The following GPC6 variants were observed in gnomAD, a reference collection of about 807,000 sequenced individuals.
GPC6 encodes the protein glypican 6.
GPC6 carries 14 observed loss-of-function variants against 55.2 expected under a neutral mutation model. The ratio of observed to expected loss-of-function variants is 0.25; its 90% CI spans 0.17 to 0.40. GPC6 has a LOEUF of 0.40. Ranked by LOEUF, GPC6 falls within the 10% of genes least tolerant of loss-of-function variation. The pLI, the probability that GPC6 is intolerant of heterozygous loss-of-function variation, is 1.00. For synonymous variants in GPC6, 278 were observed against 259.6 expected, an observed-to-expected ratio of 1.07 and a Z score of -0.68; for missense variants, 641 against 708.5, an observed-to-expected ratio of 0.90 and a Z score of 1.08.
intron 4 of GPC6, among the ~76,000 whole-genome samples, chr13:94,086,384 AC>A (rs1566385966): frequency 6.6e-6 from 1 of 152,070 alleles, no homozygotes; most frequent in Admixed American, 6.6e-5. Context: ...GGAATGAAAT[AC>A]TATCTGGACC....
intron 3 of GPC6, among the ~76,000 whole-genome samples, chr13:93,919,350 C>G (rs1427012294): frequency 7.2e-5 from 11 of 152,200 alleles, no homozygotes; most frequent in Admixed American, 7.2e-4. Context: ...TATGGCAATC[C>G]TAGCCAAGTG....
At chr13:93,664,545 T>G (rs948200551) in intron 2 of GPC6, among the ~76,000 whole-genome samples, 13 of 152,128 alleles carry the variant, frequency 8.5e-5, no homozygotes, top group African/African-American at 3.1e-4. Context: ...ATGTTTCCAG[T>G]GTCATTACTA....
At chr13:94,255,349 A>G (rs750284631) in intron 4 of GPC6, among the ~76,000 whole-genome samples, 2 of 152,226 alleles carry the variant, frequency 1.3e-5, no homozygotes, top group Non-Finnish European at 2.9e-5. Flanking sequence ...GACCTCTTTT[A>G]TAGACCCTTC....
intron 5 of GPC6, among the ~76,000 whole-genome samples, chr13:94,291,221 A>C (rs1351601797): frequency 6.6e-6 from 1 of 152,120 alleles, no homozygotes; most frequent in Non-Finnish European, 1.5e-5. Flanking sequence ...AAGAAAAAAA[A>C]AAGGGATAAT....
intron 2 of GPC6, among the ~76,000 whole-genome samples, chr13:93,675,082 C>G (rs1332303220): frequency 6.6e-6 from 1 of 152,046 alleles, no homozygotes; most frequent in African/African-American, 2.4e-5. Flanking sequence ...GCTTTTTTCC[C>G]TTGGTCCTAA....
In GPC6 at chr13:93,747,497, C is replaced by A. The variant is rs978260970; in HGVS notation, c.320-82657C>A. On this transcript the variant is annotated intron_variant, in intron 2 of 8. Coordinates refer to ENST00000377047, the MANE Select transcript of GPC6 (RefSeq NM_005708.5). ...AAGAGAGAGAAATTGATGGCCCTGT[C>A]GCTGTCGCATTCCCATCATCCAGCA... 2.6e-5 allele frequency among the ~76,000 whole-genome samples: 4 copies of A among 152,174 alleles called. No individual in the cohort carries two copies. The East Asian group carries it at 7.7e-4, about 29-fold the overall frequency.
intron 1 of GPC6, among the ~76,000 whole-genome samples, chr13:93,271,425 A>G (rs1012332161): frequency 6.6e-6 from 1 of 152,128 alleles, no homozygotes; most frequent in Non-Finnish European, 1.5e-5. Context: ...GGTTTAAGGC[A>G]AAAGTATTCA....
At chr13:93,988,480 A>G (rs996193449) in intron 3 of GPC6, among the ~76,000 whole-genome samples, 21 of 152,332 alleles carry the variant, frequency 1.4e-4, no homozygotes, top group African/African-American at 4.3e-4. Flanking sequence ...CTTATAATCT[A>G]TTTTGGCTAG....
At chr13:93,911,404 G>C (rs1280990583) in intron 3 of GPC6, among the ~76,000 whole-genome samples, 4 of 89,786 alleles carry the variant, frequency 4.5e-5, no homozygotes, top group African/African-American at 1.0e-4. Context: ...AAAGATAATT[G>C]ACTGTGTGTG....
intron 4 of GPC6, among the ~76,000 whole-genome samples, chr13:94,232,986 C>CTTTTTT (rs67718119): frequency 1.2e-5 from 1 of 80,634 alleles, no homozygotes. Flanking sequence ...GGTTTTATAA[C>CTTTTTT]TTTTTTTTTT....
chr13:94,400,422 T>C (rs1455859677), intron 8 of GPC6, among the ~76,000 whole-genome samples: 3 of 152,228 alleles, frequency 2.0e-5, no homozygotes, highest in Admixed American at 1.3e-4. Context: ...GTATTACTTC[T>C]TGTTCATGAC....
intron 4 of GPC6, among the ~76,000 whole-genome samples, chr13:94,063,743 G>A (rs1305381860): frequency 2.0e-5 from 3 of 152,104 alleles, no homozygotes; most frequent in Non-Finnish European, 4.4e-5. Context: ...AGCAAAGAGG[G>A]GTGACTCTGA....
intron 1 of GPC6, among the ~76,000 whole-genome samples, chr13:93,407,770 T>G (rs533147096): frequency 2.0e-5 from 3 of 152,328 alleles, no homozygotes; most frequent in Non-Finnish European, 4.4e-5. Flanking sequence ...TGGGTAACTT[T>G]GAGCAAGTCA....
chr13:93,627,040 A>G (rs921799347), intron 2 of GPC6, among the ~76,000 whole-genome samples: 2 of 152,056 alleles, frequency 1.3e-5, no homozygotes, highest in Non-Finnish European at 2.9e-5. Context: ...GTTCTGGGGT[A>G]CATGTGCAGA....
intron 3 of GPC6, among the ~76,000 whole-genome samples, chr13:93,922,352 A>G (rs1180976315): frequency 6.6e-6 from 1 of 152,232 alleles, no homozygotes; most frequent in Non-Finnish European, 1.5e-5. Flanking sequence ...AAATAAGCAT[A>G]TGGAGTGAGC....
chr13:93,738,639 A>T (rs185022138), intron 2 of GPC6, among the ~76,000 whole-genome samples: 8 of 152,230 alleles, frequency 5.3e-5, no homozygotes, highest in Admixed American at 2.0e-4. Flanking sequence ...TAATTCTCAG[A>T]GGTAGAGACA....
At chr13:94,029,703 C>T (rs138311998) in intron 4 of GPC6, among the ~76,000 whole-genome samples, 6 of 152,280 alleles carry the variant, frequency 3.9e-5, no homozygotes, top group African/African-American at 1.4e-4. Context: ...GGTTTTGTTA[C>T]TTAGAGCAGG....
chr13:93,596,595 AT>A (rs1877740876), intron 2 of GPC6, among the ~76,000 whole-genome samples: 1 of 99,444 alleles, frequency 1.0e-5, no homozygotes, highest in Non-Finnish European at 1.9e-5. Context: ...TGTGAAATAA[AT>A]AAATAAATAA....
intron 1 of GPC6, among the ~76,000 whole-genome samples, chr13:93,512,947 A>G (rs1215379099): frequency 6.6e-6 from 1 of 152,204 alleles, no homozygotes; most frequent in Non-Finnish European, 1.5e-5. Context: ...CAGATTTAAA[A>G]AGGCTACTAC....
Sources: allele counts gnomAD v4.1 joint callset (sites outside exome capture counted in the v4.1 genomes callset), GRCh38; gene constraint gnomAD v4.1.1; transcripts MANE v1.5; gene names NCBI Gene and HGNC (gene_info 2026-07-23, HGNC 2026-07-21).